ASIC2: variants seen among roughly 807,000 people sequenced by gnomAD.
The protein encoded by ASIC2 is acid-sensing ion channel 2.
In ASIC2, 25 loss-of-function variants were observed where a neutral mutation model predicts 57.3. That is an observed-to-expected ratio of 0.44 (90% CI 0.32 to 0.61). ASIC2 has a LOEUF of 0.61. ASIC2 is among the 20% of genes least tolerant of loss of function. The pLI is 0.06. For synonymous variants in ASIC2, 319 were observed against 307.5 expected, an observed-to-expected ratio of 1.04 and a Z score of -0.39; for missense variants, 641 against 738.1, an observed-to-expected ratio of 0.87 and a Z score of 1.52.
At chr17:33,030,582 A>T (rs9902036) in intron 3 of ASIC2, among the ~76,000 whole-genome samples, 1 of 151,872 alleles carries the variant, frequency 6.6e-6, no homozygotes, top group Non-Finnish European at 1.5e-5. Context: ...GAGAGAGAGG[A>T]TATCTTCCCT....
At chr17:33,818,670 C>G (rs1246935161) in intron 1 of ASIC2, among the ~76,000 whole-genome samples, 1 of 152,166 alleles carries the variant, frequency 6.6e-6, no homozygotes, top group African/African-American at 2.4e-5. Flanking sequence ...CAGGACTGCC[C>G]CCACAACAAA....
At chr17:34,083,402 T>C (rs557569368) in intron 1 of ASIC2, among the ~76,000 whole-genome samples, 63 of 152,004 alleles carry the variant, frequency 4.1e-4, no homozygotes, top group African/African-American at 1.4e-3. Flanking sequence ...TGTGCCACAT[T>C]TTCTTAATCC....
At chr17:33,085,438 A>G (rs1256408931) in intron 3 of ASIC2, among the ~76,000 whole-genome samples, 1 of 152,258 alleles carries the variant, frequency 6.6e-6, no homozygotes, top group Non-Finnish European at 1.5e-5. Context: ...GAAGTGTTTG[A>G]GGACCAGGAT....
At chr17:33,739,943 A>G (rs546304655) in intron 1 of ASIC2, among the ~76,000 whole-genome samples, 7 of 137,364 alleles carry the variant, frequency 5.1e-5, no homozygotes, top group Non-Finnish European at 1.1e-4. Flanking sequence ...AAGAGAAAGA[A>G]AGAAAAGAAA....
chr17:33,664,205 A>G (rs1281391458), intron 1 of ASIC2, among the ~76,000 whole-genome samples: 1 of 152,128 alleles, frequency 6.6e-6, no homozygotes, highest in African/African-American at 2.4e-5. Context: ...TGCTTCCTGT[A>G]TCTAGACATC....
chr17:33,055,239 G>T (rs1359378866), intron 3 of ASIC2, among the ~76,000 whole-genome samples: 2 of 152,310 alleles, frequency 1.3e-5, no homozygotes, highest in African/African-American at 4.8e-5. Context: ...TGGCCCTGAT[G>T]GCTGCATGTG....
chr17:33,783,387 G>T (rs1201364337), intron 1 of ASIC2, among the ~76,000 whole-genome samples: 1 of 152,234 alleles, frequency 6.6e-6, no homozygotes, highest in Non-Finnish European at 1.5e-5. Context: ...TGGAGATAGT[G>T]ATTGCACTTA....
intron 1 of ASIC2, among the ~76,000 whole-genome samples, chr17:33,736,941 C>T (rs545747577): frequency 2.0e-4 from 30 of 152,270 alleles, no homozygotes; most frequent in Middle Eastern, 3.4e-3. Context: ...ACAGCTTTAT[C>T]GAGGTGTAAC....
At chr17:34,042,026 C>G (rs576183549) in intron 1 of ASIC2, among the ~76,000 whole-genome samples, 1 of 152,312 alleles carries the variant, frequency 6.6e-6, no homozygotes, top group East Asian at 1.9e-4. Flanking sequence ...GACAAACTCA[C>G]ACGAAGATTC....
chr17:33,520,792 C>T (rs1036549426), intron 1 of ASIC2, among the ~76,000 whole-genome samples: 3 of 152,204 alleles, frequency 2.0e-5, no homozygotes, highest in Non-Finnish European at 4.4e-5. Flanking sequence ...TCTGAGATAG[C>T]AGGGAGTTCT....
chr17:33,256,024 A>C (rs892299121), intron 1 of ASIC2, among the ~76,000 whole-genome samples: 2 of 152,230 alleles, frequency 1.3e-5, no homozygotes, highest in East Asian at 1.9e-4. Context: ...AAAAAAACGC[A>C]TTACAGATTC....
At chr17:34,034,806 G>C (rs1180535688) in intron 1 of ASIC2, among the ~76,000 whole-genome samples, 3 of 152,054 alleles carry the variant, frequency 2.0e-5, no homozygotes, top group African/African-American at 7.3e-5. Flanking sequence ...AACTTATAAG[G>C]GATGTGAAGG....
chr17:33,231,061 C>G (rs1335625120), intron 1 of ASIC2, among the ~76,000 whole-genome samples: 1 of 152,134 alleles, frequency 6.6e-6, no homozygotes, highest in Non-Finnish European at 1.5e-5. Flanking sequence ...GAGCCTAAGA[C>G]AGGGCTCTCT....
chr17:33,363,144 G>T (rs1908676518), intron 1 of ASIC2, among the ~76,000 whole-genome samples: 1 of 152,016 alleles, frequency 6.6e-6, no homozygotes, highest in Non-Finnish European at 1.5e-5. Flanking sequence ...AATGAGGGGG[G>T]AAGAAAAGAG....
At chr17:33,652,718 G>A (rs1309878792) in intron 1 of ASIC2, among the ~76,000 whole-genome samples, 3 of 152,252 alleles carry the variant, frequency 2.0e-5, no homozygotes, top group East Asian at 1.9e-4. Context: ...ACAGATGGGA[G>A]GAGACCGTTC....
At chr17:33,037,342 G>A (rs1004810779) in intron 3 of ASIC2, among the ~76,000 whole-genome samples, 2 of 150,782 alleles carry the variant, frequency 1.3e-5, no homozygotes, top group Non-Finnish European at 2.9e-5. Flanking sequence ...AGCTGGTGAA[G>A]CTCTGGAGAT....
intron 1 of ASIC2, among the ~76,000 whole-genome samples, chr17:33,711,020 G>T (rs535641003): frequency 3.9e-4 from 59 of 152,212 alleles, no homozygotes; most frequent in African/African-American, 1.3e-3. Context: ...ACATGATCAT[G>T]GCTCACTGCA....
chr17:33,574,217 G>A (rs577823688), intron 1 of ASIC2, among the ~76,000 whole-genome samples: 4 of 152,304 alleles, frequency 2.6e-5, no homozygotes, highest in African/African-American at 4.8e-5. Context: ...GGCACTCTCA[G>A]ATTTTTTCAT....
At chr17:33,703,327 T>C (rs200318019) in intron 1 of ASIC2, among the ~76,000 whole-genome samples, 4 of 108,410 alleles carry the variant, frequency 3.7e-5, no homozygotes, top group East Asian at 2.5e-4. Context: ...TTTTCTTTTT[T>C]TTTTTGTTGC....
Sources: gnomAD v4.1 joint callset for allele counts (sites outside exome capture counted in the v4.1 genomes callset) on GRCh38, gnomAD v4.1.1 for gene constraint, MANE v1.5 for transcripts, NCBI Gene and HGNC (gene_info 2026-07-23, HGNC 2026-07-21) for gene names.